The following PTPRU variants were observed in gnomAD, a reference collection of about 807,000 sequenced individuals.
PTPRU encodes receptor-type tyrosine-protein phosphatase U.
PTPRU carries 69 observed loss-of-function variants against 166.3 expected under a neutral mutation model. That is an observed-to-expected ratio of 0.41 (90% CI 0.34 to 0.51). The LOEUF is 0.51. PTPRU is among the 20% of genes least tolerant of loss of function. The pLI is 0.09. For missense variants in PTPRU, 1,657 were observed against 2,013.7 expected, an observed-to-expected ratio of 0.82 and a Z score of 3.39; for synonymous variants, 793 against 814.0, an observed-to-expected ratio of 0.97 and a Z score of 0.44.
rs1470098989 is a variant in PTPRU at position 29,275,777 on chromosome 1, T to G, written c.1453+21T>G. On this transcript the variant is annotated intron_variant, in intron 8 of 29. Coordinates refer to ENST00000373779, the MANE Select transcript of PTPRU (RefSeq NM_133178.4). Reference sequence around the variant, plus strand: ...GGATGGTAAGAGTCTCAGTCCCAATTCCCGGGGCCCTGTGTACCTCCCACA... The same window carrying G: ...GGATGGTAAGAGTCTCAGTCCCAATGCCCGGGGCCCTGTGTACCTCCCACA... The G allele has an allele frequency of 1.9e-6, 3 of 1,608,568 alleles. No homozygotes were observed. In the Admixed American group the frequency reaches 5.0e-5, roughly 27 times the overall value.
At chr1:29,300,025 T>C (rs1387854842) in intron 15 of PTPRU, among the ~76,000 whole-genome samples, 1 of 152,214 alleles carries the variant, frequency 6.6e-6, no homozygotes, top group African/African-American at 2.4e-5. Context: ...ACAGTTGCCC[T>C]TGCAGGTGCT....
At position 29,315,617 on chromosome 1, in the gene PTPRU, C is replaced by T; in HGVS notation, c.3363+110C>T. The T allele has an allele frequency of 1.4e-6, 2 of 1,469,364 alleles. No individual in the cohort carries two copies. The highest frequency in any genetic ancestry group is 1.9e-6 in the Non-Finnish European group (2 of 1,069,280). The allele number at this position is 1,469,364 out of a possible 1,614,324, so 91.0% of individuals were successfully genotyped here. ...CCCAAAGGGTGTCCTGAGGCTCTTG[C>T]CTTCCCTCAGATCATCCCTGACCTT... On this transcript the variant is annotated intron_variant, in intron 23 of 29. Transcript: ENST00000373779. The surrounding 1 kb of genome is among the most constrained non-coding windows in gnomAD (Gnocchi z 4.5).
chr1:29,273,733 A>G (rs1685676009), intron 7 of PTPRU, among the ~76,000 whole-genome samples: 1 of 152,150 alleles, frequency 6.6e-6, no homozygotes, highest in African/African-American at 2.4e-5. Flanking sequence ...TGGGGATAGC[A>G]TTCTGGTCCA....
intron 21 of PTPRU, 33 bp from the exon 22 acceptor site, chr1:29,312,519 G>T: frequency 6.4e-7 from 1 of 1,551,774 alleles, no homozygotes; most frequent in Non-Finnish European, 8.8e-7. Context: ...ATGCTGCCAG[G>T]GACTCTGATT....
Position 29,315,536 on chromosome 1 carries a change from T to G in PTPRU, c.3363+29T>G. ...CGGGGACCTGGCCCTGTCCCCACCA[T>G]TATTACTTCTAGGACTGGAGTTTCT... On this transcript the variant is annotated intron_variant, in intron 23 of 29. Coordinates refer to ENST00000373779, the MANE Select transcript of PTPRU (RefSeq NM_133178.4). The surrounding 1 kb of genome is among the most constrained non-coding windows in gnomAD (Gnocchi z 4.5). The G allele has an allele frequency of 6.2e-7, 1 of 1,613,596 alleles. No homozygotes were observed. The highest frequency in any genetic ancestry group is 8.5e-7 in the Non-Finnish European group (1 of 1,179,762).
intron 5 of PTPRU, 70 bp downstream of exon 5, chr1:29,259,634 T>TC (rs1311364827): frequency 7.8e-6 from 11 of 1,415,022 alleles, no homozygotes; most frequent in Admixed American, 2.1e-5. Flanking sequence ...TGGCCCTGAC[T>TC]CCCCCCAGAT....
At position 29,323,602 on chromosome 1, in the gene PTPRU, C is replaced by A. The variant is rs374356707; in HGVS notation, c.3955-29C>A. The A allele has an allele frequency of 3.6e-5, 58 of 1,613,168 alleles. 1 individual carries two copies. In the Middle Eastern group the frequency reaches 2.1e-3, roughly 60 times the overall value. On this transcript the variant is annotated intron_variant, in intron 27 of 29. Coordinates refer to ENST00000373779, the MANE Select transcript of PTPRU (RefSeq NM_133178.4). ...GCCCCTGGGACCCTGGTGCTCATGT[C>A]CTCCCTGGCTGGCTGCCCCTGTCCC...
chr1:29,325,220 G>T lies in PTPRU; in HGVS notation c.4142G>T (p.Cys1381Phe). Reference protein sequence around the residue: ...LNGGGRSGTFCACATVLEMIR... With the variant: ...LNGGGRSGTFFACATVLEMIR... Reference sequence around the variant, plus strand: ...GGGGGAGGACGCAGCGGCACCTTCTGCGCCTGCGCCACGGTCCTGGAGATG... The same window carrying T: ...GGGGGAGGACGCAGCGGCACCTTCTTCGCCTGCGCCACGGTCCTGGAGATG... The change falls in exon 29 of 30, where the codon TGC becomes TTC. Residue 1381 changes from cysteine (C) to phenylalanine (F), a missense_variant. Transcript: ENST00000373779. 6.2e-7 allele frequency: 1 copy of T among 1,614,214 alleles called. No homozygotes were observed. Among genetic ancestry groups the T allele is most frequent in the Non-Finnish European group, 8.5e-7 (1 of 1,180,042 alleles).
chr1:29,316,193 C>CTGTG, intron 24 of PTPRU, 42 bp downstream of exon 24: 1 of 1,552,778 alleles, frequency 6.4e-7, no homozygotes. Context: ...GTGTGTGTGT[C>CTGTG]TGTGTGTGTG....
At chr1:29,310,831 C>T in intron 19 of PTPRU, 51 bp downstream of exon 19, 1 of 1,577,208 alleles carries the variant, frequency 6.3e-7, no homozygotes, top group Non-Finnish European at 8.7e-7. Context: ...TCCCAGCGTG[C>T]TGGAATGCCC....
chr1:29,303,265 T>C lies in PTPRU; in HGVS notation c.2477-590T>C, dbSNP rs2151962884. ...GTGGTCCTGGGGGCTCGGGGGAGGA[T>C]GGTTTCCCAGGGTGTGTGAGGAGCT... is the stretch of plus-strand genomic sequence containing the variant. On this transcript the variant is annotated intron_variant, in intron 15 of 29. Coordinates refer to ENST00000373779, the MANE Select transcript of PTPRU (RefSeq NM_133178.4). 1.3e-5 allele frequency among the ~76,000 whole-genome samples: 2 copies of C among 152,066 alleles called. 1 individual carries two copies. The highest frequency in any genetic ancestry group is 4.2e-4 in the South Asian group (2 of 4,816).
chr1:29,267,390 T>C (rs1685351539), intron 7 of PTPRU, among the ~76,000 whole-genome samples: 1 of 152,134 alleles, frequency 6.6e-6, no homozygotes, highest in Admixed American at 6.5e-5. Flanking sequence ...GCCTGTCAGA[T>C]GGTGATAAGT....
rs769159207 is a variant in PTPRU at position 29,282,767 on chromosome 1, G to A, written c.1960G>A (p.Glu654Lys). Residue 654 changes from glutamate to lysine, a missense_variant, in exon 12 of 30, where the codon GAG becomes AAG. Physicochemically the swap from Glu to Lys is moderately conservative, Grantham distance 56. Around this residue, in one of 3 missense-constraint regions of PTPRU, gnomAD observed 1,190 missense variants for 1,477.4 expected, o/e 0.81. Transcript: ENST00000373779. ...CTGCTTCCCAGTGCCATTGACCTTCGAGGCGGCGCTGGCCCGAGGCCTGGT... is the reference window on the plus strand; with the variant it reads ...CTGCTTCCCAGTGCCATTGACCTTCAAGGCGGCGCTGGCCCGAGGCCTGGT... ...QDCFPVPLTF[E>K]AALARGLVHY... 1.9e-5 allele frequency: 30 copies of A among 1,613,948 alleles called. No homozygotes were observed. The highest frequency in any genetic ancestry group is 2.7e-5 in the African/African-American group (2 of 74,906).
intron 5 of PTPRU, 67 bp from the exon 6 acceptor site, chr1:29,259,803 G>C (rs901513184): frequency 2.8e-6 from 4 of 1,452,022 alleles, no homozygotes; most frequent in Non-Finnish European, 2.7e-6. Context: ...AATGGGGCCC[G>C]GGTCAGAGCG....
At position 29,260,900 on chromosome 1, in the gene PTPRU, G is replaced by T. The variant is rs1175217686; in HGVS notation, c.1141G>T (p.Ala381Ser). 17 of 1,558,824 alleles carry T rather than the reference G, an allele frequency of 1.1e-5. No individual in the cohort carries two copies. The highest frequency in any genetic ancestry group is 1.4e-5 in the Non-Finnish European group (16 of 1,156,582). ...GPPLISRTKCAEPMRAPKGLA... is the reference protein window; with the variant it reads ...GPPLISRTKCSEPMRAPKGLA... ...ACCCCTCATCAGCCGCACCAAATGC[G>T]CAGGTGGGTGCAGCAGCTACCCCTG... The change falls in exon 7 of 30, where the codon GCA (alanine) becomes TCA (serine). Residue 381 changes from alanine (A) to serine (S), a missense_variant. Coordinates refer to ENST00000373779, the MANE Select transcript of PTPRU (RefSeq NM_133178.4). The surrounding 1 kb of genome is among the most constrained non-coding windows in gnomAD (Gnocchi z 8.3).
intron 7 of PTPRU, among the ~76,000 whole-genome samples, chr1:29,264,528 A>G (rs1415854016): frequency 7.3e-5 from 11 of 150,648 alleles, no homozygotes; most frequent in Admixed American, 7.2e-4. Flanking sequence ...TTTTTGAGAC[A>G]GAGTTTCACC....
intron 15 of PTPRU, among the ~76,000 whole-genome samples, chr1:29,301,319 C>T (rs1458744328): frequency 2.0e-5 from 3 of 152,120 alleles, no homozygotes; most frequent in Non-Finnish European, 4.4e-5. Flanking sequence ...GACATTGTAG[C>T]CATCATAATG....
At chr1:29,256,444 C>G (rs1414710016) in intron 2 of PTPRU, among the ~76,000 whole-genome samples, 1 of 152,194 alleles carries the variant, frequency 6.6e-6, no homozygotes, top group Non-Finnish European at 1.5e-5. Flanking sequence ...TGTTTACTGC[C>G]TAGCTCACGT....
At chr1:29,314,039 AT>A (rs1223196383) in intron 22 of PTPRU, among the ~76,000 whole-genome samples, 1 of 152,146 alleles carries the variant, frequency 6.6e-6, no homozygotes, top group Non-Finnish European at 1.5e-5. Flanking sequence ...ATCATACAGC[AT>A]GTGCTCTTTG....
Sources: allele counts gnomAD v4.1 joint callset (sites outside exome capture counted in the v4.1 genomes callset), GRCh38; gene constraint gnomAD v4.1.1; regional missense constraint gnomAD v4.1.1; non-coding constraint Gnocchi (gnomAD v3.1); transcripts MANE v1.5; gene names NCBI Gene and HGNC (gene_info 2026-07-23, HGNC 2026-07-21).